TLK1: variants seen among roughly 807,000 people sequenced by gnomAD.
TLK1 encodes serine/threonine-protein kinase tousled-like 1.
A neutral mutation model predicts 105.3 loss-of-function variants in TLK1; 24 were observed. That is an observed-to-expected ratio of 0.23 (90% CI 0.17 to 0.32). The LOEUF is 0.32. TLK1 is among the 10% of genes least tolerant of loss of function. The probability of loss-of-function intolerance (pLI) is 1.00; values close to 1 mark genes in which losing one functional copy is unlikely to be tolerated. For synonymous variants in TLK1, 321 were observed against 310.4 expected (o/e 1.03, Z -0.36); for missense variants, 558 against 910.5 (o/e 0.61, Z 4.98).
chr2:171,075,346 AT>A (rs748969937), intron 3 of TLK1, among the ~76,000 whole-genome samples: 98 of 152,296 alleles, frequency 6.4e-4, no homozygotes, highest in Non-Finnish European at 1.2e-3. Flanking sequence ...ATATACTTTG[AT>A]GAAAAATACA....
intron 1 of TLK1, among the ~76,000 whole-genome samples, chr2:171,204,618 G>C (rs962003489): frequency 2.0e-5 from 3 of 151,762 alleles, no homozygotes; most frequent in Non-Finnish European, 4.4e-5. Context: ...AAATCTGTGA[G>C]TCTGTAAGCC....
chr2:171,215,908 T>C (rs1693705303), intron 1 of TLK1, among the ~76,000 whole-genome samples: 1 of 152,238 alleles, frequency 6.6e-6, no homozygotes, highest in African/African-American at 2.4e-5. Flanking sequence ...ATTACAAGAA[T>C]AATCAACTCA....
chr2:171,030,708 T>A (rs2555926), intron 11 of TLK1, among the ~76,000 whole-genome samples: 1 of 152,122 alleles, frequency 6.6e-6, no homozygotes, highest in South Asian at 2.1e-4. Flanking sequence ...TAGGCCATAG[T>A]ATGGGCTCAT....
At chr2:171,162,251 A>C (rs551184025), upstream of TLK1, among the ~76,000 whole-genome samples, 403 of 152,332 alleles carry the variant, frequency 2.6e-3, 1 homozygote, top group African/African-American at 9.3e-3. Flanking sequence ...TAAAGTGTAC[A>C]ATTATTGGCC....
chr2:171,134,284 T>C (rs1172172351), intron 1 of TLK1, among the ~76,000 whole-genome samples: 1 of 152,210 alleles, frequency 6.6e-6, no homozygotes, highest in Non-Finnish European at 1.5e-5. Flanking sequence ...GCTTCTCTAT[T>C]AGACTGGCAT....
At chr2:171,141,748 A>T (rs2105578125) in intron 1 of TLK1, among the ~76,000 whole-genome samples, 1 of 152,278 alleles carries the variant, frequency 6.6e-6, no homozygotes, top group African/African-American at 2.4e-5. Flanking sequence ...TCCCTTCAAG[A>T]ATAAAAATGA....
chr2:171,076,846 A>G (rs899951658), intron 3 of TLK1, among the ~76,000 whole-genome samples: 3 of 151,772 alleles, frequency 2.0e-5, no homozygotes, highest in African/African-American at 7.3e-5. Flanking sequence ...CCCGGGAGGC[A>G]GAGCTTGCAG....
chr2:171,216,867 C>T (rs893953982), intron 1 of TLK1, among the ~76,000 whole-genome samples: 2 of 152,174 alleles, frequency 1.3e-5, no homozygotes, highest in African/African-American at 4.8e-5. Context: ...AGCCAGCGAA[C>T]CATCAGAAGC....
intron 2 of TLK1, among the ~76,000 whole-genome samples, chr2:171,092,815 A>G (rs1411745774): frequency 1.3e-5 from 2 of 152,142 alleles, no homozygotes; most frequent in Non-Finnish European, 2.9e-5. Context: ...ACTTTAAAGT[A>G]TATGCTAAGG....
intron 1 of TLK1, among the ~76,000 whole-genome samples, chr2:171,151,151 G>C (rs1030977253): frequency 1.3e-4 from 19 of 151,914 alleles, no homozygotes; most frequent in Non-Finnish European, 2.8e-4. Flanking sequence ...CCAACTAGCT[G>C]CAACTACAGG....
intron 1 of TLK1, among the ~76,000 whole-genome samples, chr2:171,214,256 C>A (rs1423361421): frequency 6.6e-6 from 1 of 152,094 alleles, no homozygotes; most frequent in Non-Finnish European, 1.5e-5. Context: ...GACCTAGTGT[C>A]TTCTCTGCCT....
chr2:171,106,021 C>A (rs994765522), intron 2 of TLK1, among the ~76,000 whole-genome samples: 15 of 152,168 alleles, frequency 9.9e-5, no homozygotes, highest in Admixed American at 6.5e-5. Flanking sequence ...AATACTATTT[C>A]ACCATTAAAA....
intron 1 of TLK1, among the ~76,000 whole-genome samples, chr2:171,206,247 A>C (rs138179897): frequency 2.8e-4 from 42 of 152,366 alleles, no homozygotes; most frequent in African/African-American, 9.9e-4. Context: ...GAGGCACATA[A>C]AATAATGAAG....
At chr2:171,141,959 G>A (rs1691593490) in intron 1 of TLK1, among the ~76,000 whole-genome samples, 1 of 152,066 alleles carries the variant, frequency 6.6e-6, no homozygotes. Context: ...TATCTTGTGG[G>A]GAGTTAAAAT....
At position 171,059,806 on chromosome 2, in the gene TLK1, T is replaced by C. The variant is rs1687663171; in HGVS notation, c.406+1275A>G. The C allele has an allele frequency of 2.1e-5, 15 of 703,994 alleles. No homozygotes were observed. The South Asian group carries it at 2.3e-4, about 11-fold the overall frequency. The allele number at this position is 703,994 out of a possible 1,614,324, so 43.6% of individuals were successfully genotyped here. On this transcript the variant is annotated intron_variant, in intron 4 of 20. Transcript: ENST00000431350. ...GATTCTCATAAGGGAGTGCATAACC[T>C]GGATCCCTTGCATGTGCAGTTCACA...
intron 2 of TLK1, among the ~76,000 whole-genome samples, chr2:171,105,840 A>G (rs1689901124): frequency 6.6e-6 from 1 of 152,234 alleles, no homozygotes; most frequent in Non-Finnish European, 1.5e-5. Context: ...CATATGATCC[A>G]GCAATCCTAC....
At chr2:171,119,142 T>C (rs1202575051) in intron 1 of TLK1, among the ~76,000 whole-genome samples, 2 of 152,356 alleles carry the variant, frequency 1.3e-5, no homozygotes, top group African/African-American at 2.4e-5. Flanking sequence ...TATGTCTTTT[T>C]AGAAGTCTAC....
At chr2:171,208,412 A>G (rs1374492233) in intron 1 of TLK1, among the ~76,000 whole-genome samples, 1 of 152,144 alleles carries the variant, frequency 6.6e-6, no homozygotes, top group Non-Finnish European at 1.5e-5. Context: ...GCTCAAGGAA[A>G]CTGATTTTCT....
intron 1 of TLK1, among the ~76,000 whole-genome samples, chr2:171,135,311 GTGTGTGTGTATATATATA>G (rs112970416): frequency 0.17 from 24,588 of 147,804 alleles, 3,825 homozygotes; most frequent in African/African-American, 0.42. Flanking sequence ...GTTTGTGTGT[GTGTGTGTGTATATATATA>G]TATATATATA....
Sources: gnomAD v4.1 joint callset for allele counts (sites outside exome capture counted in the v4.1 genomes callset) on GRCh38, gnomAD v4.1.1 for gene constraint, MANE v1.5 for transcripts, NCBI Gene and HGNC (gene_info 2026-07-23, HGNC 2026-07-21) for gene names.